The following RNF4 variants were observed in gnomAD, a reference collection of about 807,000 sequenced individuals.
RNF4 encodes E3 ubiquitin-protein ligase RNF4.
RNF4 carries 7 observed loss-of-function variants against 24.3 expected under a neutral mutation model. The observed-to-expected ratio is 0.29, with a 90% CI of 0.16 to 0.54. RNF4 has a LOEUF of 0.54. Ranked by LOEUF, RNF4 falls within the 20% of genes least tolerant of loss-of-function variation. The pLI, the probability that RNF4 is intolerant of heterozygous loss-of-function variation, is 0.95. For synonymous variants in RNF4, 83 were observed against 84.3 expected (o/e 0.98, Z 0.09); for missense variants, 209 against 248.5 (o/e 0.84, Z 1.07).
intron 3 of RNF4, among the ~76,000 whole-genome samples, chr4:2,500,413 A>G (rs1735873888): frequency 1.3e-5 from 2 of 152,266 alleles, no homozygotes; most frequent in East Asian, 3.9e-4. Context: ...ATGCGCACAC[A>G]TACATAACCC....
chr4:2,497,356 G>A lies in RNF4; in HGVS notation c.124+235G>A, dbSNP rs574592219. ...GGATCCATTTAAAAAAAAATCTAGC[G>A]CAAATGAGATAGCCCACCTTTTCTA... On this transcript the variant is annotated intron_variant, in intron 3 of 7. Coordinates refer to ENST00000314289, the MANE Select transcript of RNF4 (RefSeq NM_002938.5). 289 of 341,152 alleles carry A rather than the reference G, an allele frequency of 8.5e-4. 2 individuals carry two copies. The highest frequency in any genetic ancestry group is 5.3e-3 in the African/African-American group (252 of 47,532). 21.1% of individuals were successfully genotyped at this position (341,152 alleles called of 1,614,324 possible).
intron 4 of RNF4, among the ~76,000 whole-genome samples, chr4:2,502,118 T>G (rs376466262): frequency 6.6e-6 from 1 of 152,208 alleles, no homozygotes; most frequent in South Asian, 2.1e-4. Flanking sequence ...CAGTCACTGA[T>G]TTTTCCCCTC....
chr4:2,513,442 C>T (rs1736326002), intron 7 of RNF4, among the ~76,000 whole-genome samples: 1 of 152,202 alleles, frequency 6.6e-6, no homozygotes, highest in Non-Finnish European at 1.5e-5. Flanking sequence ...CCCTCATAAC[C>T]CTCTTGGGCT....
chr4:2,509,144 C>A (rs906681437), intron 4 of RNF4, among the ~76,000 whole-genome samples: 1 of 150,852 alleles, frequency 6.6e-6, no homozygotes, highest in Non-Finnish European at 1.5e-5. Flanking sequence ...GTCTCAAACT[C>A]CCGACCTCAG....
chr4:2,497,310 G>C, intron 3 of RNF4, 189 bp downstream of exon 3: 1 of 483,962 alleles, frequency 2.1e-6, no homozygotes, highest in Non-Finnish European at 3.7e-6. Flanking sequence ...TTCAACTCTG[G>C]TAATGTGCAG....
At chr4:2,491,821 A>G (rs948215674) in intron 2 of RNF4, among the ~76,000 whole-genome samples, 1 of 151,264 alleles carries the variant, frequency 6.6e-6, no homozygotes, top group Admixed American at 6.6e-5. Flanking sequence ...GCAGTCTCCA[A>G]CTCCTGGAGT....
At chr4:2,471,425 C>T (rs773679131) in intron 1 of RNF4, among the ~76,000 whole-genome samples, 1 of 152,190 alleles carries the variant, frequency 6.6e-6, no homozygotes, top group Non-Finnish European at 1.5e-5. Context: ...CTCCTCAGGC[C>T]TCTCAATTCC....
At chr4:2,487,474 C>T (rs1203883819) in intron 1 of RNF4, among the ~76,000 whole-genome samples, 1 of 152,076 alleles carries the variant, frequency 6.6e-6, no homozygotes, top group African/African-American at 2.4e-5. Flanking sequence ...TTAGTAGAGA[C>T]GGGGTTTCGC....
At chr4:2,496,617 C>T (rs750577797) in intron 2 of RNF4, among the ~76,000 whole-genome samples, 3 of 152,070 alleles carry the variant, frequency 2.0e-5, no homozygotes, top group Non-Finnish European at 2.9e-5. Flanking sequence ...CCTGCCACCA[C>T]GCCCAGCTAA....
chr4:2,497,398 C>T (rs563136465), intron 3 of RNF4: 4 of 247,994 alleles, frequency 1.6e-5, no homozygotes, highest in South Asian at 8.3e-5. Context: ...ACTGCATCCC[C>T]AATTGCTGGA....
chr4:2,504,324 G>A (rs556774638), intron 4 of RNF4, among the ~76,000 whole-genome samples: 1 of 152,256 alleles, frequency 6.6e-6, no homozygotes, highest in East Asian at 1.9e-4. Context: ...TAAAGAGGGA[G>A]CAGTTCACAT....
At chr4:2,499,177 A>G (rs570647861) in intron 3 of RNF4, among the ~76,000 whole-genome samples, 2 of 152,286 alleles carry the variant, frequency 1.3e-5, no homozygotes, top group South Asian at 4.1e-4. Flanking sequence ...TGCCTGGACG[A>G]CAGAGCGAGA....
intron 1 of RNF4, among the ~76,000 whole-genome samples, chr4:2,481,903 T>A (rs1264042828): frequency 6.6e-6 from 1 of 152,166 alleles, no homozygotes; most frequent in Non-Finnish European, 1.5e-5. Flanking sequence ...AGAGACAGGA[T>A]TTCCCCATGT....
intron 1 of RNF4, among the ~76,000 whole-genome samples, chr4:2,478,195 A>G (rs1735137839): frequency 6.6e-6 from 1 of 152,234 alleles, no homozygotes; most frequent in African/African-American, 2.4e-5. Context: ...CTAAGCAGCA[A>G]AGCATTCAAG....
Position 2,512,685 on chromosome 4 carries a change from T to A in RNF4, c.374+88T>A. 1.3e-6 allele frequency: 2 copies of A among 1,500,310 alleles called. No individual in the cohort carries two copies. The highest frequency in any genetic ancestry group is 4.1e-5 in the Admixed American group (2 of 48,988). 92.9% of individuals were successfully genotyped at this position (1,500,310 alleles called of 1,614,324 possible). Reference sequence around the variant, plus strand: ...ACTTTTCAGCAAATCTGTGAGCCCTTGGCCCTGGAAGGGCTTGCCCAAGCC... The same window carrying A: ...ACTTTTCAGCAAATCTGTGAGCCCTAGGCCCTGGAAGGGCTTGCCCAAGCC... On this transcript the variant is annotated intron_variant, in intron 6 of 7. Transcript: ENST00000314289. The surrounding 1 kb of genome is among the most constrained non-coding windows in gnomAD (Gnocchi z 4.1).
Position 2,512,415 on chromosome 4 carries a change from G to A in RNF4, c.215-23G>A, listed in dbSNP as rs1305557992. 8.8e-6 allele frequency: 14 copies of A among 1,593,468 alleles called. No individual in the cohort carries two copies. On this transcript the variant is annotated intron_variant, in intron 5 of 7. Coordinates refer to ENST00000314289, the MANE Select transcript of RNF4 (RefSeq NM_002938.5). The surrounding 1 kb of genome is among the most constrained non-coding windows in gnomAD (Gnocchi z 4.1). ...GGTAAGAGTAGAGAGCCTCCAACCT[G>A]AAAATGTGACCTCTTACCTTAGAAA...
At chr4:2,505,595 G>A (rs1245471473) in intron 4 of RNF4, 9 of 151,430 alleles carry the variant, frequency 5.9e-5, no homozygotes, top group Non-Finnish European at 5.9e-5. Flanking sequence ...AAAGTGCTGG[G>A]ATTATAGGTG....
intron 4 of RNF4, among the ~76,000 whole-genome samples, chr4:2,509,541 G>A (rs1015921572): frequency 3.9e-5 from 6 of 152,248 alleles, no homozygotes; most frequent in Admixed American, 2.6e-4. Flanking sequence ...TTATACTGAA[G>A]ACTCATCTGG....
chr4:2,509,461 G>A (rs879598866), intron 4 of RNF4, among the ~76,000 whole-genome samples: 19 of 152,072 alleles, frequency 1.2e-4, no homozygotes, highest in Admixed American at 2.0e-4. Context: ...CGAGTGATCC[G>A]CCCATCTCGG....
Sources: allele counts gnomAD v4.1 joint callset (sites outside exome capture counted in the v4.1 genomes callset), GRCh38; gene constraint gnomAD v4.1.1; non-coding constraint Gnocchi (gnomAD v3.1); transcripts MANE v1.5; gene names NCBI Gene and HGNC (gene_info 2026-07-23, HGNC 2026-07-21).